The following PLD1 variants were observed in gnomAD, a reference collection of about 807,000 sequenced individuals.
PLD1 encodes the protein phospholipase D1, also known as choline phosphatase 1.
Under a neutral mutation model 137.1 loss-of-function variants are expected in PLD1, and 112 were observed. The ratio of observed to expected loss-of-function variants is 0.82; its 90% CI spans 0.70 to 0.96. The LOEUF (loss-of-function observed/expected upper bound fraction) is 0.96, where lower values mean the gene tolerates loss of function less well. Ranked by LOEUF, PLD1 falls within the 40% of genes least tolerant of loss-of-function variation. The probability of loss-of-function intolerance (pLI) is 0.00; values close to 1 mark genes in which losing one functional copy is unlikely to be tolerated. For synonymous variants in PLD1, 431 were observed against 454.7 expected (o/e 0.95, Z 0.66); for missense variants, 1,321 against 1,342.0 (o/e 0.98, Z 0.24).
At chr3:171,724,180 C>G (rs1718339473) in intron 8 of PLD1, among the ~76,000 whole-genome samples, 1 of 152,162 alleles carries the variant, frequency 6.6e-6, no homozygotes, top group Non-Finnish European at 1.5e-5. Flanking sequence ...CATGTGGTAA[C>G]TATGTTTAAC....
At chr3:171,746,026 G>C (rs905518086) in intron 1 of PLD1, among the ~76,000 whole-genome samples, 2 of 63,576 alleles carry the variant, frequency 3.1e-5, no homozygotes, top group Non-Finnish European at 6.0e-5. Flanking sequence ...GCTTAGCACC[G>C]GGCAAGCAGT....
chr3:171,605,177 T>C (rs936889136), intron 26 of PLD1, 122 bp downstream of exon 26: 6 of 713,978 alleles, frequency 8.4e-6, no homozygotes, highest in Admixed American at 2.1e-5. Context: ...AACCTGGACA[T>C]GTATTAGCTT....
chr3:171,633,676 T>C (rs1734869467), intron 23 of PLD1, among the ~76,000 whole-genome samples: 1 of 152,166 alleles, frequency 6.6e-6, no homozygotes. Context: ...ACTCAATATT[T>C]ATAAGGAAAT....
At chr3:171,778,701 T>C (rs746183221) in intron 1 of PLD1, among the ~76,000 whole-genome samples, 26 of 152,208 alleles carry the variant, frequency 1.7e-4, no homozygotes, top group Non-Finnish European at 3.4e-4. Context: ...GTGTAGTCAG[T>C]GCTGTGAAAG....
At chr3:171,742,261 T>C (rs2108273386) in intron 1 of PLD1, among the ~76,000 whole-genome samples, 1 of 152,310 alleles carries the variant, frequency 6.6e-6, no homozygotes, top group South Asian at 2.1e-4. Flanking sequence ...GGTCTTGCTC[T>C]CTTGCCCAGG....
chr3:171,725,879 A>G (rs1243791903), intron 7 of PLD1, 139 bp downstream of exon 7: 1 of 645,596 alleles, frequency 1.5e-6, no homozygotes, highest in Non-Finnish European at 2.8e-6. Flanking sequence ...GAATAATTCC[A>G]TCAGTTGCTC....
intron 23 of PLD1, among the ~76,000 whole-genome samples, chr3:171,637,526 C>T (rs1035294916): frequency 6.6e-6 from 1 of 152,130 alleles, no homozygotes; most frequent in Non-Finnish European, 1.5e-5. Flanking sequence ...AGCCACCATG[C>T]CTGGTCCTTT....
intron 21 of PLD1, among the ~76,000 whole-genome samples, chr3:171,645,849 A>C (rs1425393483): frequency 3.5e-5 from 5 of 141,676 alleles, no homozygotes; most frequent in African/African-American, 1.1e-4. Flanking sequence ...GCGCTACTGC[A>C]CTCCAGCCTG....
chr3:171,808,538 A>G (rs1723967302), intron 1 of PLD1, among the ~76,000 whole-genome samples: 1 of 152,152 alleles, frequency 6.6e-6, no homozygotes, highest in African/African-American at 2.4e-5. Context: ...TCCGTCTCAA[A>G]AAATAATAAT....
At chr3:171,665,016 G>A (rs79043703) in intron 19 of PLD1, among the ~76,000 whole-genome samples, 12,169 of 152,190 alleles carry the variant, frequency 0.08, 668 homozygotes, top group Non-Finnish European at 0.12. Flanking sequence ...CACCCTTGCT[G>A]GTAACATCTG....
At chr3:171,800,502 C>T (rs1723601564) in intron 1 of PLD1, among the ~76,000 whole-genome samples, 1 of 152,250 alleles carries the variant, frequency 6.6e-6, no homozygotes, top group South Asian at 2.1e-4. Context: ...AACCACCGTG[C>T]CTGGCCCAAA....
chr3:171,734,681 T>G (rs1202002273), intron 5 of PLD1, among the ~76,000 whole-genome samples, 184 bp downstream of exon 5: 6 of 152,134 alleles, frequency 3.9e-5, no homozygotes, highest in Non-Finnish European at 7.4e-5. Context: ...TCTGAGAAAA[T>G]GCACTGTATG....
chr3:171,797,884 T>C (rs1449923704), intron 1 of PLD1, among the ~76,000 whole-genome samples: 8 of 152,210 alleles, frequency 5.3e-5, no homozygotes, highest in Non-Finnish European at 1.2e-4. Context: ...TAGAGACTTA[T>C]TACTCCCTAA....
intron 21 of PLD1, chr3:171,654,419 G>C (rs1737030452): frequency 1.0e-5 from 2 of 190,902 alleles, no homozygotes; most frequent in African/African-American, 4.8e-5. Flanking sequence ...GAAGCATTAA[G>C]TCAACTGACT....
chr3:171,699,668 G>T, intron 12 of PLD1, 77 bp downstream of exon 12: 1 of 1,013,770 alleles, frequency 9.9e-7, no homozygotes. Flanking sequence ...ACGTGTGAAA[G>T]GCTTTGAAAA....
chr3:171,621,094 C>T (rs1356434813), intron 23 of PLD1, among the ~76,000 whole-genome samples: 1 of 152,008 alleles, frequency 6.6e-6, no homozygotes, highest in African/African-American at 2.4e-5. Flanking sequence ...CAATGAAAAA[C>T]CACTCCTCCC....
intron 18 of PLD1, among the ~76,000 whole-genome samples, chr3:171,675,960 AG>A (rs1713308473): frequency 2.0e-5 from 3 of 151,272 alleles, no homozygotes; most frequent in African/African-American, 7.3e-5. Flanking sequence ...TTCCTGCCTC[AG>A]CCTCCAGAGC....
chr3:171,720,672 A>T (rs1718067414), intron 8 of PLD1, among the ~76,000 whole-genome samples: 1 of 152,224 alleles, frequency 6.6e-6, no homozygotes, highest in Admixed American at 6.5e-5. Context: ...AATCCCAAAA[A>T]TGTGACTCAG....
intron 23 of PLD1, among the ~76,000 whole-genome samples, chr3:171,631,215 T>C (rs922017297): frequency 1.3e-5 from 2 of 152,092 alleles, no homozygotes; most frequent in African/African-American, 4.8e-5. Flanking sequence ...TATAAGCAAG[T>C]GTTAAACTCT....
Sources: gnomAD v4.1 joint callset for allele counts (sites outside exome capture counted in the v4.1 genomes callset) on GRCh38, gnomAD v4.1.1 for gene constraint, MANE v1.5 for transcripts, NCBI Gene and HGNC (gene_info 2026-07-23, HGNC 2026-07-21) for gene names.